Variants in ASIC2 observed in about 807,000 individuals in gnomAD.
ASIC2 encodes acid-sensing ion channel 2.
In ASIC2, 25 loss-of-function variants were observed where a neutral mutation model predicts 57.3. The observed-to-expected ratio is 0.44, with a 90% CI of 0.32 to 0.61. ASIC2 has a LOEUF of 0.61. Ranked by LOEUF, ASIC2 falls within the 20% of genes least tolerant of loss-of-function variation. The pLI is 0.06. For synonymous variants in ASIC2, 319 were observed against 307.5 expected, an observed-to-expected ratio of 1.04 and a Z score of -0.39; for missense variants, 641 against 738.1, an observed-to-expected ratio of 0.87 and a Z score of 1.52.
At chr17:34,117,599 C>T (rs868821805) in intron 1 of ASIC2, among the ~76,000 whole-genome samples, 6 of 152,110 alleles carry the variant, frequency 3.9e-5, no homozygotes, top group Non-Finnish European at 5.9e-5. Context: ...GTTAAAGAGA[C>T]GTGACTGCAA....
chr17:33,571,154 T>C (rs1254786522), intron 1 of ASIC2, among the ~76,000 whole-genome samples: 1 of 152,276 alleles, frequency 6.6e-6, no homozygotes, highest in East Asian at 1.9e-4. Context: ...ACTTTAGAGA[T>C]GACATATAAC....
In ASIC2 at chr17:33,309,881, A is replaced by G. The variant is rs367962552; in HGVS notation, c.556-197814T>C. On this transcript the variant is annotated intron_variant, in intron 1 of 9. Transcript: ENST00000359872. ...GGTGGTAGGCATTAATTAAATAAAG[A>G]TTTGGTGAAGAAGCTCTTCTATCTG... Among the ~76,000 whole-genome samples, 10 of 148,380 alleles carry G rather than the reference A, an allele frequency of 6.7e-5. No homozygotes were observed. The East Asian group carries it at 1.8e-3, about 26-fold the overall frequency.
At chr17:34,108,960 G>C (rs534325335) in intron 1 of ASIC2, among the ~76,000 whole-genome samples, 50 of 151,414 alleles carry the variant, frequency 3.3e-4, no homozygotes, top group African/African-American at 1.1e-3. Flanking sequence ...TATGGTTAGT[G>C]GTGTTTGCAT....
intron 1 of ASIC2, among the ~76,000 whole-genome samples, chr17:33,525,048 T>A (rs1393595296): frequency 6.6e-6 from 1 of 152,148 alleles, no homozygotes; most frequent in African/African-American, 2.4e-5. Flanking sequence ...CCCAGTCTCT[T>A]CTGTTCCCCC....
chr17:33,945,919 C>T (rs1167998231), intron 1 of ASIC2, among the ~76,000 whole-genome samples: 1 of 152,192 alleles, frequency 6.6e-6, no homozygotes, highest in Non-Finnish European at 1.5e-5. Flanking sequence ...GAGATTAAAG[C>T]ATAAAGATCC....
At chr17:33,026,930 T>C (rs1013417840) in intron 4 of ASIC2, among the ~76,000 whole-genome samples, 6 of 152,230 alleles carry the variant, frequency 3.9e-5, no homozygotes, top group African/African-American at 1.4e-4. Context: ...TTGCTCTGTT[T>C]TCTAGGAAGC....
At chr17:33,586,304 G>A (rs1230274843) in intron 1 of ASIC2, among the ~76,000 whole-genome samples, 1 of 152,068 alleles carries the variant, frequency 6.6e-6, no homozygotes, top group African/African-American at 2.4e-5. Flanking sequence ...CATCTAGGGG[G>A]GCAGGGGGAC....
At chr17:33,914,900 C>T (rs564884955) in intron 1 of ASIC2, among the ~76,000 whole-genome samples, 26 of 152,264 alleles carry the variant, frequency 1.7e-4, no homozygotes, top group African/African-American at 6.3e-4. Context: ...GCCCATAGGC[C>T]TGTGTTGTTC....
chr17:33,943,187 A>G (rs1309852600), intron 1 of ASIC2, among the ~76,000 whole-genome samples: 1 of 152,352 alleles, frequency 6.6e-6, no homozygotes, highest in East Asian at 1.9e-4. Context: ...TATCCAGTAC[A>G]GTAAAAATAT....
intron 1 of ASIC2, among the ~76,000 whole-genome samples, chr17:33,537,622 T>G (rs1021631026): frequency 6.6e-6 from 1 of 152,188 alleles, no homozygotes; most frequent in African/African-American, 2.4e-5. Flanking sequence ...CATGATTGAA[T>G]GTAGCCAAGT....
intron 1 of ASIC2, among the ~76,000 whole-genome samples, chr17:33,613,978 C>G (rs1199510963): frequency 6.6e-6 from 1 of 152,176 alleles, no homozygotes; most frequent in Non-Finnish European, 1.5e-5. Flanking sequence ...GAGCAGGTTG[C>G]TAGCAGTGGG....
intron 1 of ASIC2, among the ~76,000 whole-genome samples, chr17:33,927,844 G>A (rs1356266128): frequency 1.3e-5 from 2 of 152,226 alleles, no homozygotes; most frequent in East Asian, 1.9e-4. Flanking sequence ...CAGAAGCAAT[G>A]TCATCAGTTA....
At chr17:34,030,240 C>T (rs1907541227) in intron 1 of ASIC2, among the ~76,000 whole-genome samples, 1 of 152,230 alleles carries the variant, frequency 6.6e-6, no homozygotes. Flanking sequence ...CTGCCCTGCT[C>T]CTCACAGTCT....
At chr17:34,049,163 A>C (rs1908449602) in intron 1 of ASIC2, among the ~76,000 whole-genome samples, 1 of 152,036 alleles carries the variant, frequency 6.6e-6, no homozygotes, top group African/African-American at 2.4e-5. Flanking sequence ...GTGGCGGTGC[A>C]TGCCTGTGGT....
At chr17:34,079,874 C>T (rs749502120) in intron 1 of ASIC2, among the ~76,000 whole-genome samples, 13 of 152,172 alleles carry the variant, frequency 8.5e-5, no homozygotes, top group Non-Finnish European at 1.9e-4. Context: ...GAGGAGGCTG[C>T]ACTTTTCTGG....
intron 1 of ASIC2, among the ~76,000 whole-genome samples, chr17:33,645,328 C>T (rs1019880622): frequency 9.2e-5 from 14 of 152,152 alleles, no homozygotes; most frequent in Non-Finnish European, 1.0e-4. Context: ...GTACTCCTTT[C>T]CCCATTCCTT....
chr17:33,262,454 G>A (rs1909320071), intron 1 of ASIC2, among the ~76,000 whole-genome samples: 3 of 151,600 alleles, frequency 2.0e-5, no homozygotes, highest in Admixed American at 6.6e-5. Context: ...AGGGAAGGAG[G>A]GAGGCAAGGT....
At chr17:33,595,401 A>G (rs1737373694) in intron 1 of ASIC2, among the ~76,000 whole-genome samples, 2 of 152,246 alleles carry the variant, frequency 1.3e-5, no homozygotes, top group African/African-American at 4.8e-5. Flanking sequence ...CAAGAGGGCT[A>G]AGGCTGGGAG....
chr17:33,549,825 GC>G (rs1418066965), intron 1 of ASIC2, among the ~76,000 whole-genome samples: 1 of 152,142 alleles, frequency 6.6e-6, no homozygotes. Flanking sequence ...ACTCCATGGT[GC>G]CTGGTCACTT....
Sources: gnomAD v4.1 joint callset for allele counts (sites outside exome capture counted in the v4.1 genomes callset) on GRCh38, gnomAD v4.1.1 for gene constraint, MANE v1.5 for transcripts, NCBI Gene and HGNC (gene_info 2026-07-23, HGNC 2026-07-21) for gene names.